Variants in SHISA9 observed in about 807,000 individuals in gnomAD.
SHISA9 encodes the protein protein shisa-9.
SHISA9 carries 13 observed loss-of-function variants against 38.0 expected under a neutral mutation model. That is an observed-to-expected ratio of 0.34 (90% confidence interval 0.22 to 0.54). The LOEUF is 0.54. Ranked by LOEUF, SHISA9 falls within the 20% of genes least tolerant of loss-of-function variation. The pLI, the probability that SHISA9 is intolerant of heterozygous loss-of-function variation, is 0.91. For synonymous variants in SHISA9, 275 were observed against 242.0 expected (o/e 1.14, Z -1.27); for missense variants, 538 against 575.8 (o/e 0.93, Z 0.67).
chr16:12,934,417 A>G (rs2071502289), intron 2 of SHISA9, among the ~76,000 whole-genome samples: 1 of 152,208 alleles, frequency 6.6e-6, no homozygotes, highest in South Asian at 2.1e-4. Context: ...AGACTCCTAG[A>G]ATATATGCAA....
chr16:13,397,156 A>G, the SHISA9 span, among the ~76,000 whole-genome samples: 1 of 152,248 alleles, frequency 6.6e-6, no homozygotes, highest in Non-Finnish European at 1.5e-5. Flanking sequence ...TATAATGCAT[A>G]TAACATAAAA....
intron 2 of SHISA9, among the ~76,000 whole-genome samples, chr16:12,931,789 G>A (rs2071464732): frequency 6.6e-6 from 1 of 152,104 alleles, no homozygotes; most frequent in Non-Finnish European, 1.5e-5. Context: ...TGCTAGGTCA[G>A]ATGAAGTTGC....
chr16:13,343,531 T>A, the SHISA9 span, among the ~76,000 whole-genome samples: 1 of 152,104 alleles, frequency 6.6e-6, no homozygotes, highest in Non-Finnish European at 1.5e-5. Flanking sequence ...GCATATTCCA[T>A]GAAGTGATGC....
intron 4 of SHISA9, among the ~76,000 whole-genome samples, chr16:13,233,368 T>G (rs2051350770): frequency 6.6e-6 from 1 of 151,930 alleles, no homozygotes; most frequent in Non-Finnish European, 1.5e-5. Context: ...TTAAATTGAG[T>G]GGAAATTGGT....
At chr16:12,930,974 C>T (rs1448417437) in intron 2 of SHISA9, among the ~76,000 whole-genome samples, 1 of 152,158 alleles carries the variant, frequency 6.6e-6, no homozygotes, top group Admixed American at 6.5e-5. Flanking sequence ...TACTCTTTGA[C>T]TTTGAATCCA....
intron 2 of SHISA9, among the ~76,000 whole-genome samples, chr16:13,126,487 G>T (rs1255560560): frequency 6.6e-6 from 1 of 150,376 alleles, no homozygotes; most frequent in Admixed American, 6.6e-5. Flanking sequence ...GGAAGGATGA[G>T]AGAGAAAGGG....
the SHISA9 span, among the ~76,000 whole-genome samples, chr16:13,287,014 A>G: frequency 7.7e-4 from 117 of 152,228 alleles, no homozygotes; most frequent in African/African-American, 2.7e-3. Flanking sequence ...TACCTCTTCG[A>G]TTCACTCATT....
chr16:13,302,191 A>T, the SHISA9 span, among the ~76,000 whole-genome samples: 1 of 152,138 alleles, frequency 6.6e-6, no homozygotes, highest in Non-Finnish European at 1.5e-5. Flanking sequence ...CCAGAAAACT[A>T]TTTATACAAC....
chr16:13,215,759 A>G (rs551746650), intron 4 of SHISA9, among the ~76,000 whole-genome samples: 1 of 152,246 alleles, frequency 6.6e-6, no homozygotes, highest in South Asian at 2.1e-4. Flanking sequence ...GTGAGAACCA[A>G]GTTCCTCTGG....
At chr16:12,934,394 C>T (rs1751215268) in intron 2 of SHISA9, among the ~76,000 whole-genome samples, 2 of 152,194 alleles carry the variant, frequency 1.3e-5, no homozygotes, top group South Asian at 4.1e-4. Context: ...AGTTCCTTGG[C>T]CAAATAAATT....
intron 2 of SHISA9, among the ~76,000 whole-genome samples, chr16:13,196,956 T>C (rs899765558): frequency 2.6e-5 from 4 of 152,080 alleles, no homozygotes; most frequent in African/African-American, 2.4e-5. Flanking sequence ...TAGCCGGACA[T>C]GGTGGTTCAC....
intron 2 of SHISA9, among the ~76,000 whole-genome samples, chr16:12,970,463 G>GTT (rs2072059081): frequency 4.1e-5 from 1 of 24,618 alleles, no homozygotes; most frequent in African/African-American, 1.9e-4. Context: ...ATACATATAT[G>GTT]TGTGTGTATA....
the SHISA9 span, among the ~76,000 whole-genome samples, chr16:13,423,720 G>T: frequency 6.6e-6 from 1 of 152,166 alleles, no homozygotes; most frequent in Admixed American, 6.5e-5. Context: ...TGTCAGTAAG[G>T]CTGTGTTCCA....
chr16:13,393,228 G>A, the SHISA9 span, among the ~76,000 whole-genome samples: 3 of 152,138 alleles, frequency 2.0e-5, no homozygotes, highest in Admixed American at 6.5e-5. Context: ...CCAGCTCCAC[G>A]GGTGTGTGAC....
chr16:13,065,036 G>C (rs917507583), intron 2 of SHISA9, among the ~76,000 whole-genome samples: 6 of 152,102 alleles, frequency 3.9e-5, no homozygotes, highest in Admixed American at 6.5e-5. Flanking sequence ...GAGGATGGTG[G>C]GAAGTAACCA....
At chr16:13,440,666 C>T in the SHISA9 span, among the ~76,000 whole-genome samples, 1 of 152,192 alleles carries the variant, frequency 6.6e-6, no homozygotes, top group Admixed American at 6.5e-5. Flanking sequence ...CGGCGGCTCA[C>T]GACTATAATC....
the SHISA9 span, among the ~76,000 whole-genome samples, chr16:13,378,259 G>A: frequency 1.3e-5 from 2 of 152,140 alleles, no homozygotes; most frequent in African/African-American, 4.8e-5. Context: ...CTTGTTCCAG[G>A]TACTCACATA....
At chr16:13,226,660 G>C (rs1486719389) in intron 4 of SHISA9, among the ~76,000 whole-genome samples, 1 of 152,224 alleles carries the variant, frequency 6.6e-6, no homozygotes, top group Non-Finnish European at 1.5e-5. Flanking sequence ...CAACGGAGAA[G>C]TTCTTGTTTG....
chr16:13,125,849 G>A (rs1046885690), intron 2 of SHISA9, among the ~76,000 whole-genome samples: 2 of 152,198 alleles, frequency 1.3e-5, no homozygotes, highest in African/African-American at 4.8e-5. Flanking sequence ...TTCATTGATT[G>A]ATTCACACAA....
Sources: allele counts gnomAD v4.1 joint callset (sites outside exome capture counted in the v4.1 genomes callset), GRCh38; gene constraint gnomAD v4.1.1; transcripts MANE v1.5; gene names NCBI Gene and HGNC (gene_info 2026-07-23, HGNC 2026-07-21).